The following ATP8A2 variants were observed in gnomAD, a reference collection of about 807,000 sequenced individuals.
The protein encoded by ATP8A2 is ATPase phospholipid transporting 8A2.
A neutral mutation model predicts 165.6 loss-of-function variants in ATP8A2; 100 were observed. That is an observed-to-expected ratio of 0.60 (90% CI 0.51 to 0.71). The LOEUF (loss-of-function observed/expected upper bound fraction) is 0.71, where lower values mean the gene tolerates loss of function less well. Among genes scored for constraint, ATP8A2 ranks in the 30% least tolerant of loss-of-function variants. The pLI, the probability that ATP8A2 is intolerant of heterozygous loss-of-function variation, is 0.00. For missense variants in ATP8A2, 1,227 were observed against 1,479.5 expected, an observed-to-expected ratio of 0.83 and a Z score of 2.80; for synonymous variants, 543 against 548.8, an observed-to-expected ratio of 0.99 and a Z score of 0.15.
intron 1 of ATP8A2, among the ~76,000 whole-genome samples, chr13:25,450,561 T>C (rs1300929980): frequency 2.0e-5 from 3 of 152,190 alleles, no homozygotes; most frequent in Non-Finnish European, 4.4e-5. Context: ...AGACGGAGTC[T>C]CGCTCTGTCG....
At chr13:25,473,009 A>C (rs1014655473) in intron 2 of ATP8A2, among the ~76,000 whole-genome samples, 1 of 152,202 alleles carries the variant, frequency 6.6e-6, no homozygotes. Context: ...CTATGGATCA[A>C]GTTTACTGGA....
At chr13:25,988,052 C>T (rs1303903290) in intron 35 of ATP8A2, among the ~76,000 whole-genome samples, 6 of 152,210 alleles carry the variant, frequency 3.9e-5, no homozygotes, top group East Asian at 1.9e-4. Context: ...GAAACAAAGT[C>T]GTAAGTATCT....
intron 2 of ATP8A2, among the ~76,000 whole-genome samples, chr13:25,522,948 A>G (rs1206270276): frequency 2.0e-5 from 3 of 152,056 alleles, no homozygotes; most frequent in African/African-American, 7.2e-5. Context: ...ACATGGTGAA[A>G]CCCCATCTCT....
intron 1 of ATP8A2, among the ~76,000 whole-genome samples, chr13:25,382,759 C>CT (rs772036972): frequency 1.3e-3 from 177 of 140,026 alleles, no homozygotes; most frequent in South Asian, 3.0e-3. Context: ...ATCTTTTGTC[C>CT]TTTTTTTTTT....
At chr13:25,730,772 A>AT (rs1005039936) in intron 25 of ATP8A2, among the ~76,000 whole-genome samples, 45 of 151,970 alleles carry the variant, frequency 3.0e-4, no homozygotes, top group Admixed American at 5.2e-4. Flanking sequence ...TTATTGTTTG[A>AT]TTTTTTTTAA....
chr13:25,649,433 G>A (rs191884151), intron 24 of ATP8A2, among the ~76,000 whole-genome samples: 2 of 152,292 alleles, frequency 1.3e-5, no homozygotes, highest in African/African-American at 4.8e-5. Flanking sequence ...GGGCCTCAAA[G>A]TTAAGTGGAG....
chr13:25,422,834 TCTGAGGTTGCACAGG>T (rs1339787729), intron 1 of ATP8A2, among the ~76,000 whole-genome samples: 4 of 152,218 alleles, frequency 2.6e-5, no homozygotes, highest in Admixed American at 2.6e-4. Flanking sequence ...GTGCTACCTG[TCTGAGGTTGCACAGG>T]CTGTTGCTGG....
At chr13:25,463,421 T>C (rs1442229443) in intron 1 of ATP8A2, among the ~76,000 whole-genome samples, 1 of 152,040 alleles carries the variant, frequency 6.6e-6, no homozygotes, top group Non-Finnish European at 1.5e-5. Flanking sequence ...TAAACTAATA[T>C]ATACATACAT....
At chr13:25,947,382 C>G (rs980481931) in intron 33 of ATP8A2, among the ~76,000 whole-genome samples, 2 of 152,190 alleles carry the variant, frequency 1.3e-5, no homozygotes, top group African/African-American at 4.8e-5. Flanking sequence ...TCCTTCCTGG[C>G]ATCACTCTTG....
chr13:25,536,774 A>G (rs1012443157), intron 6 of ATP8A2, among the ~76,000 whole-genome samples: 6 of 152,188 alleles, frequency 3.9e-5, no homozygotes, highest in Admixed American at 2.0e-4. Flanking sequence ...AGAGAATTCT[A>G]ATGTCCTTGA....
intron 23 of ATP8A2, 118 bp from the exon 24 acceptor site, chr13:25,589,517 C>A: frequency 1.4e-6 from 1 of 692,372 alleles, no homozygotes; most frequent in East Asian, 2.6e-5. Context: ...CTCACTGTTA[C>A]CCTATTCCTC....
intron 35 of ATP8A2, among the ~76,000 whole-genome samples, chr13:25,980,653 AT>A (rs1194242783): frequency 2.0e-5 from 3 of 152,174 alleles, no homozygotes; most frequent in Non-Finnish European, 4.4e-5. Context: ...AATTTTTAGA[AT>A]GTGTGATTAC....
chr13:25,774,714 T>C, intron 26 of ATP8A2, 135 bp from the exon 27 acceptor site: 1 of 562,670 alleles, frequency 1.8e-6, no homozygotes, highest in South Asian at 2.5e-5. Flanking sequence ...CTTCAGAGAA[T>C]GGTTTTCTGA....
intron 35 of ATP8A2, among the ~76,000 whole-genome samples, chr13:25,992,996 T>C (rs1346558062): frequency 1.3e-5 from 2 of 149,976 alleles, no homozygotes; most frequent in African/African-American, 4.9e-5. Flanking sequence ...ATTTCATCCA[T>C]GTCCCTACAA....
intron 24 of ATP8A2, among the ~76,000 whole-genome samples, chr13:25,687,005 T>A (rs2042616040): frequency 6.6e-6 from 1 of 152,174 alleles, no homozygotes; most frequent in African/African-American, 2.4e-5. Flanking sequence ...GCTTACTGAC[T>A]GTATGAATGG....
intron 25 of ATP8A2, among the ~76,000 whole-genome samples, chr13:25,759,904 G>C (rs948961527): frequency 2.5e-4 from 38 of 152,194 alleles, no homozygotes; most frequent in Non-Finnish European, 5.9e-5. Flanking sequence ...TCAGAAGCTA[G>C]ACTCCTGTCA....
At chr13:25,704,016 A>T (rs778568555) in intron 25 of ATP8A2, among the ~76,000 whole-genome samples, 2 of 152,182 alleles carry the variant, frequency 1.3e-5, no homozygotes, top group Non-Finnish European at 2.9e-5. Context: ...TAAAAAACTG[A>T]TATGTTTGAA....
In ATP8A2 at chr13:25,839,634, G is replaced by A; in HGVS notation, c.2956+10G>A. On this transcript the variant is annotated intron_variant, in intron 30 of 36. Coordinates refer to ENST00000381655, the MANE Select transcript of ATP8A2 (RefSeq NM_016529.6). ...AAAGCTCTGGAGCATGGTAAGGGCTGTGTGATTTCACCTGTCAGCAAGGAG... is the reference window on the plus strand; with the variant it reads ...AAAGCTCTGGAGCATGGTAAGGGCTATGTGATTTCACCTGTCAGCAAGGAG... 6.2e-7 allele frequency: 1 copy of A among 1,611,364 alleles called. No homozygotes were observed. The highest frequency in any genetic ancestry group is 8.5e-7 in the Non-Finnish European group (1 of 1,177,492).
chr13:25,908,441 T>TAC (rs1159774950), intron 33 of ATP8A2, among the ~76,000 whole-genome samples: 3 of 152,384 alleles, frequency 2.0e-5, no homozygotes, highest in East Asian at 3.9e-4. Context: ...CGTCTTGTCT[T>TAC]ACAAGAAAGT....
Sources: gnomAD v4.1 joint callset for allele counts (sites outside exome capture counted in the v4.1 genomes callset) on GRCh38, gnomAD v4.1.1 for gene constraint, MANE v1.5 for transcripts, NCBI Gene and HGNC (gene_info 2026-07-23, HGNC 2026-07-21) for gene names.